The following FAM13A variants were observed in gnomAD, a reference collection of about 807,000 sequenced individuals.
The protein encoded by FAM13A is family with sequence similarity 13 member A.
FAM13A carries 76 observed loss-of-function variants against 129.6 expected under a neutral mutation model. That is an observed-to-expected ratio of 0.59 (90% CI 0.49 to 0.71). The LOEUF is 0.71. Among genes scored for constraint, FAM13A ranks in the 30% least tolerant of loss-of-function variants. FAM13A has a pLI of 0.00. For synonymous variants in FAM13A, 443 were observed against 449.9 expected (o/e 0.98, Z 0.20); for missense variants, 1,108 against 1,249.3 (o/e 0.89, Z 1.70).
intron 4 of FAM13A, among the ~76,000 whole-genome samples, chr4:88,966,881 C>T (rs1041097175): frequency 1.3e-5 from 2 of 152,170 alleles, no homozygotes; most frequent in African/African-American, 2.4e-5. Flanking sequence ...TATCCTTTCT[C>T]TTCAGTATTC....
chr4:89,001,060 T>C (rs950768696), intron 3 of FAM13A, among the ~76,000 whole-genome samples: 4 of 152,244 alleles, frequency 2.6e-5, no homozygotes, highest in African/African-American at 9.6e-5. Flanking sequence ...TAGTTAATAC[T>C]ATCTCACAGA....
rs139387517 is a variant in FAM13A at position 88,930,567 on chromosome 4, G to A, written c.759+7521C>T. Among the ~76,000 whole-genome samples, 266 of 152,238 alleles carry A rather than the reference G, an allele frequency of 1.7e-3. 3 individuals carry two copies. Among genetic ancestry groups the A allele is most frequent in the East Asian group, 0.011 (55 of 5,174 alleles). On this transcript the variant is annotated intron_variant, in intron 5 of 23. Coordinates refer to ENST00000264344, the MANE Select transcript of FAM13A (RefSeq NM_014883.4). The stretch of plus-strand genomic sequence containing the variant: ...CAACTAAGCCAGTATTTGGGCCCTG[G>A]TGGTGGCAGCAATGGATTAAGTGTC...
chr4:89,013,613 A>G (rs1766041835), intron 3 of FAM13A, among the ~76,000 whole-genome samples: 1 of 152,180 alleles, frequency 6.6e-6, no homozygotes, highest in South Asian at 2.1e-4. Flanking sequence ...CATAGCCATC[A>G]TAACGTCCTA....
chr4:88,821,916 C>G (rs1381556829), intron 7 of FAM13A, among the ~76,000 whole-genome samples: 1 of 152,144 alleles, frequency 6.6e-6, no homozygotes, highest in East Asian at 1.9e-4. Context: ...CTGTAAGTAT[C>G]TGTAGAAACC....
intron 4 of FAM13A, among the ~76,000 whole-genome samples, chr4:88,942,296 G>A (rs1754889756): frequency 6.6e-6 from 1 of 152,152 alleles, no homozygotes; most frequent in African/African-American, 2.4e-5. Flanking sequence ...GCTGGGTATG[G>A]TGGCTCATGC....
intron 13 of FAM13A, among the ~76,000 whole-genome samples, chr4:88,763,953 G>C (rs1745272787): frequency 2.0e-5 from 3 of 152,106 alleles, no homozygotes; most frequent in Admixed American, 6.6e-5. Flanking sequence ...AATTTTTCTG[G>C]TTATAATATT....
At chr4:88,789,538 A>C (rs1349662289) in intron 9 of FAM13A, among the ~76,000 whole-genome samples, 1 of 152,164 alleles carries the variant, frequency 6.6e-6, no homozygotes, top group Non-Finnish European at 1.5e-5. Context: ...ATGGAAACAT[A>C]TGTGAGCAAG....
intron 3 of FAM13A, among the ~76,000 whole-genome samples, chr4:89,013,137 G>A (rs1765948402): frequency 6.6e-6 from 1 of 152,012 alleles, no homozygotes; most frequent in African/African-American, 2.4e-5. Context: ...GCTTCAGGGT[G>A]CTCAGTTGCA....
rs193004248 is a variant in FAM13A, at chr4:88,799,625, C to T, written c.1049+5386G>A. Among the ~76,000 whole-genome samples the T allele has an allele frequency of 5.0e-3, 768 of 152,248 alleles. 5 individuals are homozygous for T. Among genetic ancestry groups the T allele is most frequent in the African/African-American group, 0.017 (704 of 41,548 alleles). Reference sequence around the variant, plus strand: ...TCAGCCTCCTGAGTAGCTGGGACTACAGATGCACGCCACCATGCACGGCTA... The same window carrying T: ...TCAGCCTCCTGAGTAGCTGGGACTATAGATGCACGCCACCATGCACGGCTA... On this transcript the variant is annotated intron_variant, in intron 8 of 23. Transcript: ENST00000264344.
intron 7 of FAM13A, among the ~76,000 whole-genome samples, chr4:88,818,375 A>C (rs1731201768): frequency 6.6e-6 from 1 of 152,134 alleles, no homozygotes; most frequent in Admixed American, 6.6e-5. Flanking sequence ...CTTACAGACA[A>C]TGAAAATGAC....
rs764877562 is a variant in FAM13A at position 89,020,483 on chromosome 4, G to A, written c.404C>T (p.Pro135Leu). 6.2e-7 allele frequency: 1 copy of A among 1,613,788 alleles called. No individual in the cohort carries two copies. The highest frequency in any genetic ancestry group is 1.1e-5 in the South Asian group (1 of 91,064). Residue 135 changes from proline (P) to leucine (L), a missense_variant, in exon 3 of 24, where the codon CCT (proline) becomes CTT (leucine). Pro to Leu is a moderately conservative substitution (Grantham distance 98). Coordinates refer to ENST00000264344, the MANE Select transcript of FAM13A (RefSeq NM_014883.4). The part of the protein sequence containing the change: ...PDSLITSALQ[P>L]RFIQLFQDGR... ...ACCCTGAAAGAGTTGAATGAATCGA[G>A]GCTGCAACGCTGAGGTGATCAGACT...
chr4:88,966,816 G>A (rs893337832), intron 4 of FAM13A, among the ~76,000 whole-genome samples: 12 of 152,124 alleles, frequency 7.9e-5, no homozygotes, highest in African/African-American at 2.9e-4. Context: ...CATGCAAAAT[G>A]AAACACTCCA....
chr4:88,946,947 T>C (rs140475002), intron 4 of FAM13A, among the ~76,000 whole-genome samples: 9 of 152,072 alleles, frequency 5.9e-5, no homozygotes, highest in African/African-American at 2.2e-4. Flanking sequence ...ATGAAGGACA[T>C]GTTGAAACTG....
chr4:88,967,768 T>C (rs2148938235), intron 4 of FAM13A, among the ~76,000 whole-genome samples: 1 of 152,342 alleles, frequency 6.6e-6, no homozygotes, highest in Non-Finnish European at 1.5e-5. Flanking sequence ...AGTTCAGTTA[T>C]TCCCACTGTG....
intron 1 of FAM13A, among the ~76,000 whole-genome samples, chr4:89,047,986 A>G (rs578098201): frequency 1.2e-4 from 19 of 152,280 alleles, no homozygotes; most frequent in African/African-American, 4.3e-4. Flanking sequence ...TAACAATACT[A>G]TATGTTGGCA....
intron 7 of FAM13A, among the ~76,000 whole-genome samples, chr4:88,841,314 T>C (rs1237836859): frequency 2.0e-5 from 3 of 151,872 alleles, no homozygotes; most frequent in Non-Finnish European, 4.4e-5. Context: ...ACCAACATGG[T>C]GAAACCCTGT....
chr4:88,748,236 G>C (rs1741799134), intron 17 of FAM13A, among the ~76,000 whole-genome samples: 1 of 152,148 alleles, frequency 6.6e-6, no homozygotes, highest in Non-Finnish European at 1.5e-5. Context: ...TTGTTTTTCT[G>C]TAGTATCAAT....
intron 5 of FAM13A, among the ~76,000 whole-genome samples, chr4:88,911,418 G>A (rs890583712): frequency 1.3e-5 from 2 of 152,126 alleles, no homozygotes; most frequent in East Asian, 1.9e-4. Context: ...TACTTCTTGC[G>A]TAACTTGATT....
chr4:89,020,795 T>C (rs1767158399), intron 2 of FAM13A, 126 bp from the exon 3 acceptor site: 2 of 659,858 alleles, frequency 3.0e-6, no homozygotes, highest in Non-Finnish European at 5.3e-6. Flanking sequence ...TTATCAATCA[T>C]TGTGTAATTT....
Sources: allele counts gnomAD v4.1 joint callset (sites outside exome capture counted in the v4.1 genomes callset), GRCh38; gene constraint gnomAD v4.1.1; transcripts MANE v1.5; gene names NCBI Gene and HGNC (gene_info 2026-07-23, HGNC 2026-07-21).